HORMAD1: variants seen among roughly 807,000 people sequenced by gnomAD.
HORMAD1 encodes HORMA domain containing 1.
HORMAD1 carries 33 observed loss-of-function variants against 58.2 expected under a neutral mutation model. That is an observed-to-expected ratio of 0.57 (90% CI 0.43 to 0.76). The LOEUF is 0.76. HORMAD1 is among the 30% of genes least tolerant of loss of function. The probability of loss-of-function intolerance (pLI) is 0.00; values close to 1 mark genes in which losing one functional copy is unlikely to be tolerated. For synonymous variants in HORMAD1, 137 were observed against 144.6 expected (o/e 0.95, Z 0.38); for missense variants, 363 against 462.0 (o/e 0.79, Z 1.96).
At chr1:150,702,566 A>G (rs587714168) in intron 13 of HORMAD1, among the ~76,000 whole-genome samples, 1 of 152,266 alleles carries the variant, frequency 6.6e-6, no homozygotes, top group South Asian at 2.1e-4. Flanking sequence ...AAGCAGCCAT[A>G]AAAAGAAATG....
At chr1:150,703,867 A>C (rs1005594195) in intron 12 of HORMAD1, among the ~76,000 whole-genome samples, 2 of 152,224 alleles carry the variant, frequency 1.3e-5, no homozygotes, top group African/African-American at 2.4e-5. Context: ...TAACTGCATA[A>C]GATTCTATCT....
At chr1:150,702,651 A>C (rs2101844492) in intron 13 of HORMAD1, among the ~76,000 whole-genome samples, 1 of 152,254 alleles carries the variant, frequency 6.6e-6, no homozygotes. Flanking sequence ...GGAACAGAAA[A>C]CCAAACACCA....
chr1:150,709,755 G>T (rs1000561264), intron 7 of HORMAD1, among the ~76,000 whole-genome samples: 4 of 152,288 alleles, frequency 2.6e-5, no homozygotes, highest in East Asian at 1.9e-4. Flanking sequence ...AAACCCGATT[G>T]TACATTTGTT....
chr1:150,700,659 T>A, intron 13 of HORMAD1, among the ~76,000 whole-genome samples: 1 of 152,114 alleles, frequency 6.6e-6, no homozygotes, highest in East Asian at 1.9e-4. Context: ...CCCACCAGCC[T>A]TAAGACTGTC....
intron 13 of HORMAD1, among the ~76,000 whole-genome samples, chr1:150,701,665 AC>A (rs1651542577): frequency 6.6e-6 from 1 of 152,132 alleles, no homozygotes; most frequent in Non-Finnish European, 1.5e-5. Flanking sequence ...CTTTTTCTTC[AC>A]CCCAATGAAC....
chr1:150,700,194 A>G lies in HORMAD1; in HGVS notation c.1033-11T>C, dbSNP rs750658724. The G allele has an allele frequency of 2.7e-6, 4 of 1,478,972 alleles. No homozygotes were observed. The African/African-American group carries it at 4.2e-5, about 15-fold the overall frequency. The allele number at this position is 1,478,972 out of a possible 1,614,324, so 91.6% of individuals were successfully genotyped here. ...TTGATTTCCATTTGCCTCCACAAAG[A>G]TAGAATAATTACTAATTGGTTATTT... On this transcript the variant is annotated splice_polypyrimidine_tract_variant and intron_variant, in intron 13 of 14. Transcript: ENST00000361824.
In HORMAD1 at chr1:150,706,433, C is replaced by A. The variant is rs867160620; in HGVS notation, c.804+120G>T. ...CCTAGACTTTAAGGTCCCTTTCAACCTTGAGTTTATGATTATAATACAGAA... is the reference window on the plus strand; with the variant it reads ...CCTAGACTTTAAGGTCCCTTTCAACATTGAGTTTATGATTATAATACAGAA... On this transcript the variant is annotated intron_variant, in intron 10 of 14. Transcript: ENST00000361824. 6 of 902,824 alleles carry A rather than the reference C, an allele frequency of 6.6e-6. No individual in the cohort carries two copies. The East Asian group carries it at 1.5e-4, about 22-fold the overall frequency. The allele number at this position is 902,824 out of a possible 1,614,324, so 55.9% of individuals were successfully genotyped here.
rs960646451 is a variant in HORMAD1, at chr1:150,701,350, C to T, written c.1033-1167G>A. ...CTTTATCTCTTGCTTTCATGAGATA[C>T]TCATTTGAATGCTGCCTTCTGCCAG... On this transcript the variant is annotated intron_variant, in intron 13 of 14. Transcript: ENST00000361824. Among the ~76,000 whole-genome samples the T allele has an allele frequency of 1.1e-4, 16 of 152,216 alleles. No homozygotes were observed. The South Asian group carries it at 3.1e-3, about 30-fold the overall frequency.
intron 5 of HORMAD1, among the ~76,000 whole-genome samples, chr1:150,713,156 C>A (rs1489772184): frequency 6.6e-6 from 1 of 152,164 alleles, no homozygotes; most frequent in Non-Finnish European, 1.5e-5. Flanking sequence ...CAGAGAAGCT[C>A]CTATGACCAT....
intron 7 of HORMAD1, 74 bp downstream of exon 7, chr1:150,711,471 T>C (rs1180581354): frequency 7.1e-6 from 7 of 986,714 alleles, no homozygotes; most frequent in South Asian, 6.6e-5. Context: ...GCATAAGATA[T>C]TCTTATATTA....
At chr1:150,709,902 A>G (rs587714146) in intron 7 of HORMAD1, among the ~76,000 whole-genome samples, 2 of 152,306 alleles carry the variant, frequency 1.3e-5, no homozygotes, top group East Asian at 1.9e-4. Flanking sequence ...ACGTCCAGTC[A>G]TAGTACCTTC....
At chr1:150,707,098 T>A (rs1251524968) in intron 9 of HORMAD1, among the ~76,000 whole-genome samples, 1 of 152,182 alleles carries the variant, frequency 6.6e-6, no homozygotes, top group Non-Finnish European at 1.5e-5. Context: ...CATAGGGTCA[T>A]TGTGGGAATA....
chr1:150,709,521 AG>A (rs1222188791), intron 7 of HORMAD1, among the ~76,000 whole-genome samples: 4 of 152,232 alleles, frequency 2.6e-5, no homozygotes, highest in African/African-American at 9.6e-5. Context: ...GGAAAGCCGC[AG>A]GGACCTCTGC....
intron 1 of HORMAD1, among the ~76,000 whole-genome samples, chr1:150,720,137 C>T (rs951916972): frequency 6.6e-6 from 1 of 151,884 alleles, no homozygotes; most frequent in Non-Finnish European, 1.5e-5. Flanking sequence ...TGTAATGGCG[C>T]GATCTCGGCT....
chr1:150,711,207 C>G (rs1651893180), intron 7 of HORMAD1, among the ~76,000 whole-genome samples: 1 of 152,108 alleles, frequency 6.6e-6, no homozygotes, highest in Non-Finnish European at 1.5e-5. Flanking sequence ...GACTTTCTTA[C>G]TTTCCTAAAA....
At chr1:150,713,816 A>G (rs1651978371) in intron 5 of HORMAD1, 2 of 343,190 alleles carry the variant, frequency 5.8e-6, no homozygotes, top group Admixed American at 5.0e-5. Context: ...TCTTTAATTC[A>G]TTAACTTTTT....
At chr1:150,713,364 G>A (rs751366042) in intron 5 of HORMAD1, among the ~76,000 whole-genome samples, 1 of 151,966 alleles carries the variant, frequency 6.6e-6, no homozygotes, top group Non-Finnish European at 1.5e-5. Context: ...AACACATAAC[G>A]GGCGCTCAAT....
At chr1:150,714,052 G>A in intron 5 of HORMAD1, 33 bp downstream of exon 5, 5 of 1,325,450 alleles carry the variant, frequency 3.8e-6, no homozygotes, top group East Asian at 2.4e-5. Context: ...ATAAACTGTA[G>A]AAAAAAAAGG....
At chr1:150,712,084 G>A (rs1651921176) in intron 5 of HORMAD1, among the ~76,000 whole-genome samples, 1 of 152,008 alleles carries the variant, frequency 6.6e-6, no homozygotes, top group South Asian at 2.1e-4. Flanking sequence ...ATTCATGTCA[G>A]CACTTTATTT....
Sources: allele counts gnomAD v4.1 joint callset (sites outside exome capture counted in the v4.1 genomes callset), GRCh38; gene constraint gnomAD v4.1.1; transcripts MANE v1.5; gene names NCBI Gene and HGNC (gene_info 2026-07-23, HGNC 2026-07-21).